Variants in MAGI2 observed in about 807,000 individuals in gnomAD.
MAGI2 encodes membrane-associated guanylate kinase, WW and PDZ domain-containing protein 2.
Under a neutral mutation model 133.3 loss-of-function variants are expected in MAGI2, and 35 were observed. The ratio of observed to expected loss-of-function variants is 0.26; its 90% CI spans 0.20 to 0.35. The LOEUF (loss-of-function observed/expected upper bound fraction) is 0.35, where lower values mean the gene tolerates loss of function less well. MAGI2 is among the 10% of genes least tolerant of loss of function. MAGI2 has a pLI of 1.00. For synonymous variants in MAGI2, 729 were observed against 710.6 expected (o/e 1.03, Z -0.41); for missense variants, 1,636 against 1,863.4 (o/e 0.88, Z 2.25).
At chr7:78,552,291 C>G (rs565960616) in intron 3 of MAGI2, among the ~76,000 whole-genome samples, 1 of 144,774 alleles carries the variant, frequency 6.9e-6, no homozygotes, top group African/African-American at 2.6e-5. Context: ...TCAAGCAGTT[C>G]TCCTGACTCA....
intron 1 of MAGI2, among the ~76,000 whole-genome samples, chr7:79,103,952 C>T (rs891683163): frequency 2.0e-5 from 3 of 152,120 alleles, no homozygotes; most frequent in Non-Finnish European, 4.4e-5. Context: ...CCACCCACCT[C>T]GGCCTCCTAA....
At chr7:78,586,479 G>T (rs1803427032) in intron 3 of MAGI2, among the ~76,000 whole-genome samples, 1 of 152,014 alleles carries the variant, frequency 6.6e-6, no homozygotes, top group Non-Finnish European at 1.5e-5. Flanking sequence ...TTTAACATGG[G>T]TAAATTCAAG....
intron 21 of MAGI2, among the ~76,000 whole-genome samples, chr7:78,022,812 T>A (rs1354489948): frequency 2.0e-5 from 3 of 152,202 alleles, no homozygotes; most frequent in Admixed American, 1.3e-4. Flanking sequence ...CTCCAGTGAT[T>A]TTTCATATCG....
chr7:78,209,300 T>G (rs577862329), intron 10 of MAGI2, among the ~76,000 whole-genome samples: 1 of 130,584 alleles, frequency 7.7e-6, no homozygotes, highest in Non-Finnish European at 1.6e-5. Context: ...CTCGCTCTGT[T>G]GCCCAGGCTG....
chr7:79,407,332 A>G (rs1351422081), intron 1 of MAGI2, among the ~76,000 whole-genome samples: 1 of 152,128 alleles, frequency 6.6e-6, no homozygotes, highest in Non-Finnish European at 1.5e-5. Flanking sequence ...CAGCCACGTG[A>G]TTCTTACAAA....
chr7:78,685,724 A>G (rs1237463910), intron 2 of MAGI2, among the ~76,000 whole-genome samples: 1 of 151,912 alleles, frequency 6.6e-6, no homozygotes, highest in Non-Finnish European at 1.5e-5. Context: ...TTTAAATAAT[A>G]TTGCTGTAAC....
chr7:79,424,906 G>C (rs1351476157), intron 1 of MAGI2, among the ~76,000 whole-genome samples: 1 of 151,972 alleles, frequency 6.6e-6, no homozygotes, highest in Non-Finnish European at 1.5e-5. Context: ...GCCTTCTAGA[G>C]TTTTTAATTT....
chr7:79,300,136 A>C (rs1211690614), intron 1 of MAGI2, among the ~76,000 whole-genome samples: 2 of 152,182 alleles, frequency 1.3e-5, no homozygotes, highest in Non-Finnish European at 2.9e-5. Context: ...AGGCATTACT[A>C]TAAAGTTACC....
intron 21 of MAGI2, among the ~76,000 whole-genome samples, chr7:78,070,630 G>GTA (rs1327011755): frequency 9.5e-5 from 13 of 136,776 alleles, no homozygotes; most frequent in South Asian, 2.4e-4. Context: ...GTGTGTGTGT[G>GTA]TATATATATA....
intron 4 of MAGI2, among the ~76,000 whole-genome samples, chr7:78,503,564 CCCCCTCCTCCT>C: frequency 2.3e-5 from 2 of 85,444 alleles, no homozygotes; most frequent in African/African-American, 9.4e-5. Context: ...ATCTCCCCCT[CCCCCTCCTCCT>C]CCCCCTCCTC....
At chr7:78,497,310 A>T (rs28433514) in intron 5 of MAGI2, among the ~76,000 whole-genome samples, 33,128 of 152,084 alleles carry the variant, frequency 0.22, 6,055 homozygotes, top group African/African-American at 0.5. Flanking sequence ...ATTATGCTGC[A>T]TAAAAATATT....
At chr7:79,160,548 A>G (rs1824253051) in intron 1 of MAGI2, among the ~76,000 whole-genome samples, 1 of 152,066 alleles carries the variant, frequency 6.6e-6, no homozygotes, top group South Asian at 2.1e-4. Flanking sequence ...AAAATTCTCA[A>G]TTTTAAATGC....
At chr7:79,359,851 T>C (rs1248892850) in intron 1 of MAGI2, among the ~76,000 whole-genome samples, 2 of 152,088 alleles carry the variant, frequency 1.3e-5, no homozygotes, top group Non-Finnish European at 2.9e-5. Context: ...TTAACCCTTT[T>C]CCCATTTAGA....
At chr7:79,235,126 C>T (rs528882543) in intron 1 of MAGI2, among the ~76,000 whole-genome samples, 184 of 151,906 alleles carry the variant, frequency 1.2e-3, no homozygotes, top group African/African-American at 4.2e-3. Flanking sequence ...GGTCAGGGAC[C>T]CACTTGAGGA....
At chr7:79,394,413 T>G (rs930472403) in intron 1 of MAGI2, among the ~76,000 whole-genome samples, 4 of 152,202 alleles carry the variant, frequency 2.6e-5, no homozygotes, top group African/African-American at 4.8e-5. Context: ...GATTCCTGTT[T>G]ACTCCCATTG....
intron 1 of MAGI2, among the ~76,000 whole-genome samples, chr7:79,263,274 T>C (rs541350767): frequency 6.6e-6 from 1 of 152,278 alleles, no homozygotes; most frequent in African/African-American, 2.4e-5. Context: ...TATTTTATCA[T>C]GTAATCTTCA....
intron 1 of MAGI2, among the ~76,000 whole-genome samples, chr7:79,321,655 C>T (rs930108371): frequency 5.9e-5 from 9 of 152,090 alleles, no homozygotes; most frequent in Non-Finnish European, 1.2e-4. Context: ...GGAACATGTA[C>T]CAAATTAGCT....
chr7:79,146,383 G>A (rs1822624855), intron 1 of MAGI2, among the ~76,000 whole-genome samples: 1 of 152,124 alleles, frequency 6.6e-6, no homozygotes, highest in South Asian at 2.1e-4. Context: ...TGCCTCTTAT[G>A]ATCTGGACAT....
At chr7:78,984,364 T>A (rs2116227405) in intron 2 of MAGI2, among the ~76,000 whole-genome samples, 1 of 152,064 alleles carries the variant, frequency 6.6e-6, no homozygotes, top group Admixed American at 6.6e-5. Context: ...TCCATCTCAC[T>A]CAACATAAAG....
Sources: allele counts gnomAD v4.1 joint callset (sites outside exome capture counted in the v4.1 genomes callset), GRCh38; gene constraint gnomAD v4.1.1; transcripts MANE v1.5; gene names NCBI Gene and HGNC (gene_info 2026-07-23, HGNC 2026-07-21).